The following FOXP1 variants were observed in gnomAD, a reference collection of about 807,000 sequenced individuals.
FOXP1 encodes the protein forkhead box P1, also known as forkhead box protein P1.
A neutral mutation model predicts 98.2 loss-of-function variants in FOXP1; 15 were observed. The observed-to-expected ratio is 0.15, with a 90% CI of 0.10 to 0.24. The LOEUF is 0.24. Among genes scored for constraint, FOXP1 ranks in the 10% least tolerant of loss-of-function variants. The pLI, the probability that FOXP1 is intolerant of heterozygous loss-of-function variation, is 1.00. For missense variants in FOXP1, 633 were observed against 848.5 expected, an observed-to-expected ratio of 0.75 and a Z score of 3.15; for synonymous variants, 371 against 314.5, an observed-to-expected ratio of 1.18 and a Z score of -1.90.
intron 5 of FOXP1, among the ~76,000 whole-genome samples, chr3:71,272,681 G>A (rs116696324): frequency 4.0e-4 from 61 of 152,160 alleles, no homozygotes; most frequent in African/African-American, 1.3e-3. Flanking sequence ...TCACTGGGCT[G>A]CAGTCAAGCG....
intron 7 of FOXP1, among the ~76,000 whole-genome samples, chr3:71,085,579 A>C (rs1229091939): frequency 6.6e-6 from 1 of 151,962 alleles, no homozygotes; most frequent in East Asian, 1.9e-4. Context: ...ACTATTAAGG[A>C]ATATTATATT....
chr3:71,441,910 G>C (rs531564390), intron 3 of FOXP1, among the ~76,000 whole-genome samples: 1 of 152,310 alleles, frequency 6.6e-6, no homozygotes, highest in East Asian at 1.9e-4. Context: ...TTATTTTCTA[G>C]ATTTTATAAA....
intron 7 of FOXP1, among the ~76,000 whole-genome samples, chr3:71,082,451 G>C (rs997461613): frequency 1.5e-5 from 2 of 134,938 alleles, no homozygotes; most frequent in African/African-American, 5.5e-5. Flanking sequence ...ACAGGGAGGG[G>C]AACATCACAC....
chr3:71,198,070 T>G, intron 6 of FOXP1, 132 bp downstream of exon 6: 1 of 1,614,158 alleles, frequency 6.2e-7, no homozygotes, highest in Non-Finnish European at 8.5e-7. Flanking sequence ...GAGATGCCAC[T>G]GACAGACAGA....
intron 4 of FOXP1, among the ~76,000 whole-genome samples, chr3:71,350,499 G>A (rs2077706255): frequency 6.6e-6 from 1 of 152,164 alleles, no homozygotes; most frequent in Non-Finnish European, 1.5e-5. Flanking sequence ...CTTGCCTTAG[G>A]ACGACAAACT....
chr3:71,289,039 TTTA>T (rs1316799650), intron 5 of FOXP1, among the ~76,000 whole-genome samples: 33 of 152,010 alleles, frequency 2.2e-4, no homozygotes, highest in African/African-American at 7.5e-4. Context: ...TATTTATTTA[TTTA>T]TTTATTTTTT....
intron 5 of FOXP1, among the ~76,000 whole-genome samples, chr3:71,244,486 A>G (rs2067551565): frequency 1.4e-5 from 2 of 138,560 alleles, no homozygotes; most frequent in Admixed American, 1.5e-4. Flanking sequence ...GGAAAAGATC[A>G]GGAGAGTTGA....
At chr3:71,329,092 G>A (rs774269351) in intron 4 of FOXP1, among the ~76,000 whole-genome samples, 3 of 150,854 alleles carry the variant, frequency 2.0e-5, no homozygotes, top group East Asian at 3.9e-4. Flanking sequence ...CTGAGCTCAC[G>A]CCTGGTGCCC....
intron 5 of FOXP1, among the ~76,000 whole-genome samples, chr3:71,286,008 A>G (rs989501544): frequency 2.6e-4 from 40 of 152,360 alleles, no homozygotes; most frequent in African/African-American, 7.5e-4. Context: ...CTGTGCCAAC[A>G]TAAGAGTGTA....
At chr3:71,103,678 C>T (rs1227639115) in intron 7 of FOXP1, among the ~76,000 whole-genome samples, 2 of 151,882 alleles carry the variant, frequency 1.3e-5, no homozygotes, top group Admixed American at 6.6e-5. Context: ...AAAAGTGCCA[C>T]GGTTTATAGC....
chr3:71,142,327 A>T (rs1301949744), intron 6 of FOXP1, among the ~76,000 whole-genome samples: 2 of 152,150 alleles, frequency 1.3e-5, no homozygotes, highest in Non-Finnish European at 2.9e-5. Context: ...CTTCCCAGAG[A>T]GTCAATCGTG....
At chr3:71,385,854 G>A (rs2080531577) in intron 3 of FOXP1, among the ~76,000 whole-genome samples, 1 of 152,012 alleles carries the variant, frequency 6.6e-6, no homozygotes, top group African/African-American at 2.4e-5. Flanking sequence ...CTTTCTACTG[G>A]CTTCTGTGGC....
intron 3 of FOXP1, among the ~76,000 whole-genome samples, chr3:71,368,160 G>A (rs779465683): frequency 5.3e-5 from 8 of 151,804 alleles, no homozygotes; most frequent in Non-Finnish European, 8.8e-5. Flanking sequence ...AGTTTCACTC[G>A]GTTGCCCAGG....
At chr3:70,977,555 A>C in intron 16 of FOXP1, 88 bp downstream of exon 16, 1 of 1,135,230 alleles carries the variant, frequency 8.8e-7, no homozygotes, top group Non-Finnish European at 1.3e-6. Flanking sequence ...CTTGCATACT[A>C]AACGGTTTTT....
At chr3:71,106,936 T>C (rs1461757932) in intron 7 of FOXP1, among the ~76,000 whole-genome samples, 1 of 151,910 alleles carries the variant, frequency 6.6e-6, no homozygotes, top group Non-Finnish European at 1.5e-5. Flanking sequence ...CCGGCTAATA[T>C]TTTTGTATTA....
chr3:71,098,483 G>C (rs2056673291), intron 7 of FOXP1, among the ~76,000 whole-genome samples: 1 of 152,126 alleles, frequency 6.6e-6, no homozygotes, highest in East Asian at 1.9e-4. Context: ...GAAAGATTTA[G>C]GCAGGACTGA....
chr3:71,470,202 G>A (rs939201099), intron 3 of FOXP1, among the ~76,000 whole-genome samples: 5 of 152,226 alleles, frequency 3.3e-5, no homozygotes, highest in Non-Finnish European at 5.9e-5. Flanking sequence ...CTGTGTGACC[G>A]TGGGTAAGTT....
intron 9 of FOXP1, among the ~76,000 whole-genome samples, chr3:71,049,284 G>C (rs1477594447): frequency 6.6e-6 from 1 of 152,096 alleles, no homozygotes; most frequent in South Asian, 2.1e-4. Context: ...GGGACAAACG[G>C]CCCTTTTAAA....
At chr3:71,494,886 C>T (rs2091299355) in intron 2 of FOXP1, among the ~76,000 whole-genome samples, 2 of 149,966 alleles carry the variant, frequency 1.3e-5, no homozygotes, top group South Asian at 4.2e-4. Flanking sequence ...CTCAGACATG[C>T]TCCCTAAAGC....
Sources: gnomAD v4.1 joint callset for allele counts (sites outside exome capture counted in the v4.1 genomes callset) on GRCh38, gnomAD v4.1.1 for gene constraint, MANE v1.5 for transcripts, NCBI Gene and HGNC (gene_info 2026-07-23, HGNC 2026-07-21) for gene names.